The following VEGFC variants were observed in gnomAD, a reference collection of about 807,000 sequenced individuals.
VEGFC encodes FLT4 ligand DHM.
Under a neutral mutation model 46.1 loss-of-function variants are expected in VEGFC, and 12 were observed. The observed-to-expected ratio is 0.26, with a 90% CI of 0.17 to 0.42. VEGFC has a LOEUF of 0.42. Ranked by LOEUF, VEGFC falls within the 10% of genes least tolerant of loss-of-function variation. VEGFC has a pLI of 1.00. For missense variants in VEGFC, 488 were observed against 529.4 expected, an observed-to-expected ratio of 0.92 and a Z score of 0.77; for synonymous variants, 232 against 195.5, an observed-to-expected ratio of 1.19 and a Z score of -1.56.
intron 1 of VEGFC, among the ~76,000 whole-genome samples, chr4:176,737,830 G>T (rs1169346846): frequency 6.6e-6 from 1 of 151,794 alleles, no homozygotes; most frequent in Non-Finnish European, 1.5e-5. Context: ...ATAAGCTACA[G>T]AAGCAGAAAG....
At chr4:176,739,706 C>G (rs1735122367) in intron 1 of VEGFC, among the ~76,000 whole-genome samples, 1 of 151,488 alleles carries the variant, frequency 6.6e-6, no homozygotes, top group South Asian at 2.1e-4. Context: ...ACACATTTAC[C>G]TACGTAACAA....
intron 4 of VEGFC, among the ~76,000 whole-genome samples, chr4:176,705,710 T>C (rs922927648): frequency 6.6e-6 from 1 of 152,206 alleles, no homozygotes; most frequent in African/African-American, 2.4e-5. Context: ...TTGCTGGTTA[T>C]AAAGATCACA....
chr4:176,772,535 C>T (rs1453901112), intron 1 of VEGFC, among the ~76,000 whole-genome samples: 1 of 152,162 alleles, frequency 6.6e-6, no homozygotes. Context: ...TACAATGACG[C>T]AATGTCACAA....
At chr4:176,776,894 C>T (rs951837030) in intron 1 of VEGFC, among the ~76,000 whole-genome samples, 3 of 152,142 alleles carry the variant, frequency 2.0e-5, no homozygotes, top group Admixed American at 1.3e-4. Context: ...ATAGTTATTC[C>T]ATTATTTATC....
At chr4:176,784,968 A>G (rs1735977990) in intron 1 of VEGFC, among the ~76,000 whole-genome samples, 3 of 152,114 alleles carry the variant, frequency 2.0e-5, no homozygotes, top group Non-Finnish European at 4.4e-5. Context: ...CTGTGCTCTT[A>G]TCCACTGCAC....
chr4:176,703,999 T>C (rs1734479890), intron 4 of VEGFC, among the ~76,000 whole-genome samples: 1 of 152,170 alleles, frequency 6.6e-6, no homozygotes, highest in African/African-American at 2.4e-5. Flanking sequence ...GTATGGTAAG[T>C]TATTAGTAAA....
chr4:176,728,932 T>G (rs1330937428), intron 2 of VEGFC, among the ~76,000 whole-genome samples: 1 of 152,158 alleles, frequency 6.6e-6, no homozygotes. Context: ...TGACTCTGGC[T>G]TCAAGCAATC....
chr4:176,719,893 T>C (rs1439220793), intron 3 of VEGFC, among the ~76,000 whole-genome samples: 1 of 151,978 alleles, frequency 6.6e-6, no homozygotes, highest in Non-Finnish European at 1.5e-5. Context: ...AAAACCTATC[T>C]CTATTAAAAT....
chr4:176,699,369 A>G (rs1283238737), intron 4 of VEGFC, among the ~76,000 whole-genome samples: 1 of 152,214 alleles, frequency 6.6e-6, no homozygotes, highest in Non-Finnish European at 1.5e-5. Flanking sequence ...AAAGAAACAA[A>G]TAAGGGAAAC....
In VEGFC at chr4:176,757,309, T is replaced by A. The variant is rs1458479252; in HGVS notation, c.148-27563A>T. Reference sequence around the variant, plus strand: ...TCAATTACATGCCAATTGAATGGAATAAGCAATAATAAACACACAAGAATT... The same window carrying A: ...TCAATTACATGCCAATTGAATGGAAAAAGCAATAATAAACACACAAGAATT... On this transcript the variant is annotated intron_variant, in intron 1 of 6. Coordinates refer to ENST00000618562, the MANE Select transcript of VEGFC (RefSeq NM_005429.5). 3.9e-5 allele frequency among the ~76,000 whole-genome samples: 6 copies of A among 152,030 alleles called. No homozygotes were observed. The East Asian group carries it at 9.6e-4, about 24-fold the overall frequency.
chr4:176,786,222 A>G (rs185806815), intron 1 of VEGFC, among the ~76,000 whole-genome samples: 11 of 152,306 alleles, frequency 7.2e-5, no homozygotes, highest in Middle Eastern at 3.4e-3. Flanking sequence ...ATACCACTAA[A>G]GAATCTTCAT....
At chr4:176,782,183 T>G (rs1377275994) in intron 1 of VEGFC, among the ~76,000 whole-genome samples, 1 of 152,232 alleles carries the variant, frequency 6.6e-6, no homozygotes, top group Non-Finnish European at 1.5e-5. Flanking sequence ...GAAAAAGAAA[T>G]TAGGCTGGAA....
chr4:176,748,344 C>A (rs772418666), intron 1 of VEGFC, among the ~76,000 whole-genome samples: 18 of 152,030 alleles, frequency 1.2e-4, no homozygotes, highest in African/African-American at 3.6e-4. Flanking sequence ...GGGTTATACA[C>A]TATAAAATCT....
chr4:176,773,807 G>A (rs2333520), intron 1 of VEGFC, among the ~76,000 whole-genome samples: 122,357 of 151,796 alleles, frequency 0.81, 51,612 homozygotes, highest in East Asian at 1. Flanking sequence ...CTCGGCCTTC[G>A]GAGTACTTGG....
intron 4 of VEGFC, among the ~76,000 whole-genome samples, chr4:176,696,884 A>G (rs1734324760): frequency 6.6e-6 from 1 of 152,144 alleles, no homozygotes; most frequent in South Asian, 2.1e-4. Context: ...GCAATGGGGA[A>G]AGGATGCCCT....
intron 1 of VEGFC, among the ~76,000 whole-genome samples, chr4:176,765,502 C>T (rs935343325): frequency 2.0e-5 from 3 of 150,262 alleles, no homozygotes; most frequent in African/African-American, 7.3e-5. Flanking sequence ...AAGAAAGCTA[C>T]ATCTAAAATA....
intron 3 of VEGFC, among the ~76,000 whole-genome samples, chr4:176,726,475 A>C (rs1734875338): frequency 6.6e-6 from 1 of 152,100 alleles, no homozygotes; most frequent in Admixed American, 6.6e-5. Flanking sequence ...TTAGCTTTAT[A>C]ATTTATTTTT....
intron 1 of VEGFC, among the ~76,000 whole-genome samples, chr4:176,765,395 T>C (rs1735602650): frequency 6.6e-6 from 1 of 152,070 alleles, no homozygotes; most frequent in Admixed American, 6.5e-5. Flanking sequence ...GAAAAAGGCA[T>C]ATTTAAAGAA....
chr4:176,718,009 C>A (rs1281953585), intron 3 of VEGFC, among the ~76,000 whole-genome samples: 2 of 152,228 alleles, frequency 1.3e-5, no homozygotes, highest in Non-Finnish European at 2.9e-5. Flanking sequence ...AAAGTATACA[C>A]AGTACCACAA....
Sources: allele counts gnomAD v4.1 joint callset (sites outside exome capture counted in the v4.1 genomes callset), GRCh38; gene constraint gnomAD v4.1.1; transcripts MANE v1.5; gene names NCBI Gene and HGNC (gene_info 2026-07-23, HGNC 2026-07-21).